Variants in IDE observed in about 807,000 individuals in gnomAD.
The protein encoded by IDE is insulin-degrading enzyme.
Under a neutral mutation model 133.2 loss-of-function variants are expected in IDE, and 58 were observed. That is an observed-to-expected ratio of 0.44 (90% CI 0.35 to 0.54). The LOEUF is 0.54. IDE is among the 20% of genes least tolerant of loss of function. The pLI is 0.00. For synonymous variants in IDE, 396 were observed against 421.3 expected (o/e 0.94, Z 0.73); for missense variants, 981 against 1,234.0 (o/e 0.79, Z 3.07).
intron 4 of IDE, among the ~76,000 whole-genome samples, chr10:92,517,275 C>A (rs966238545): frequency 1.3e-5 from 2 of 152,190 alleles, no homozygotes; most frequent in Non-Finnish European, 2.9e-5. Flanking sequence ...CTTAACAGAT[C>A]CAGTGAAGAC....
rs757825912 is a variant in IDE, at chr10:92,483,224, A to G, written c.1739+31T>C. On this transcript the variant is annotated intron_variant, in intron 14 of 24. Coordinates refer to ENST00000265986, the MANE Select transcript of IDE (RefSeq NM_004969.4). ...TGGAAACGTAATTGTTGATTTTTAT[A>G]AGCTTTATAAGCTAGATTCATCTTA... 4.8e-5 allele frequency: 53 copies of G among 1,114,536 alleles called. 1 individual carries two copies. The South Asian group carries it at 6.8e-4, about 14-fold the overall frequency. The allele number at this position is 1,114,536 out of a possible 1,614,324, so 69.0% of individuals were successfully genotyped here.
At chr10:92,512,118 A>T (rs968120713) in intron 5 of IDE, among the ~76,000 whole-genome samples, 10 of 152,182 alleles carry the variant, frequency 6.6e-5, no homozygotes, top group Admixed American at 3.9e-4. Context: ...CAGTGTCTGT[A>T]CTTGATGATT....
Position 92,491,943 on chromosome 10 carries a change from G to A in IDE, c.1431-1348C>T, listed in dbSNP as rs191175304. ...TTTTTTTGATGCGACAGTAGAAACA[G>A]CCCAGAAGAGAAGTCAGATGGAAAA... On this transcript the variant is annotated intron_variant, in intron 11 of 24. Coordinates refer to ENST00000265986, the MANE Select transcript of IDE (RefSeq NM_004969.4). Among the ~76,000 whole-genome samples, 745 of 152,050 alleles carry A rather than the reference G, an allele frequency of 4.9e-3. 8 individuals are homozygous for A. Among genetic ancestry groups the A allele is most frequent in the African/African-American group, 0.017 (709 of 41,496 alleles).
chr10:92,506,555 C>T (rs766740231), intron 9 of IDE, 33 bp from the exon 10 acceptor site: 17 of 1,060,138 alleles, frequency 1.6e-5, no homozygotes, highest in Non-Finnish European at 2.0e-5. Context: ...TTAGATACGG[C>T]CACCCTTATT....
At chr10:92,561,831 C>T (rs1431826038) in intron 1 of IDE, among the ~76,000 whole-genome samples, 2 of 152,084 alleles carry the variant, frequency 1.3e-5, no homozygotes, top group Non-Finnish European at 2.9e-5. Context: ...AAAGGGTAGT[C>T]CTGATTACAC....
intron 6 of IDE, among the ~76,000 whole-genome samples, chr10:92,509,145 C>A (rs932223766): frequency 2.0e-5 from 3 of 152,180 alleles, no homozygotes; most frequent in Admixed American, 2.0e-4. Context: ...GAATGCTTAT[C>A]TTCAGGTACA....
At chr10:92,483,469 G>T in intron 13 of IDE, 132 bp from the exon 14 acceptor site, 1 of 615,030 alleles carries the variant, frequency 1.6e-6, no homozygotes, top group Non-Finnish European at 2.9e-6. Flanking sequence ...TGTCCCATGG[G>T]CCTTGAAGCA....
intron 15 of IDE, among the ~76,000 whole-genome samples, chr10:92,477,425 G>A (rs978235744): frequency 4.6e-5 from 7 of 152,148 alleles, no homozygotes; most frequent in Admixed American, 3.9e-4. Flanking sequence ...CCAAAGTGCT[G>A]GGATTACAGG....
In IDE at chr10:92,531,897, C is replaced by A; in HGVS notation, c.512G>T (p.Cys171Phe). ...TTTGCAACTTTCATCGAACAAGGGGCACAGAAAAAACTGTGCAAACCTAAG... is the reference window on the plus strand; with the variant it reads ...TTTGCAACTTTCATCGAACAAGGGGAACAGAAAAAACTGTGCAAACCTAAG... ...ALDRFAQFFL[C>F]PLFDESCKDR... Residue 171 changes from cysteine to phenylalanine, a missense_variant, in exon 4 of 25, where the codon TGC becomes TTC. Transcript: ENST00000265986. 1 of 1,553,296 alleles carries A rather than the reference C, an allele frequency of 6.4e-7. No individual in the cohort carries two copies. The highest frequency in any genetic ancestry group is 8.7e-7 in the Non-Finnish European group (1 of 1,144,574).
At chr10:92,530,148 C>A (rs1258154512) in intron 4 of IDE, among the ~76,000 whole-genome samples, 3 of 152,118 alleles carry the variant, frequency 2.0e-5, no homozygotes, top group African/African-American at 7.2e-5. Flanking sequence ...ATTGCTGGAA[C>A]CTAGGAGGCA....
At chr10:92,482,641 C>T (rs1256037984) in intron 14 of IDE, among the ~76,000 whole-genome samples, 1 of 152,012 alleles carries the variant, frequency 6.6e-6, no homozygotes, top group African/African-American at 2.4e-5. Flanking sequence ...AATCTACGGC[C>T]TCCTCAGAAT....
intron 11 of IDE, among the ~76,000 whole-genome samples, chr10:92,491,713 C>T (rs1217016502): frequency 2.6e-5 from 4 of 151,240 alleles, no homozygotes; most frequent in African/African-American, 9.7e-5. Context: ...TGGGTTCAAG[C>T]AATTCTCCGG....
chr10:92,486,261 A>G (rs1228643800), intron 13 of IDE, among the ~76,000 whole-genome samples: 2 of 151,822 alleles, frequency 1.3e-5, no homozygotes, highest in Non-Finnish European at 2.9e-5. Flanking sequence ...AAGGCAGGAG[A>G]ATCACTTGAA....
chr10:92,509,957 A>C (rs368504219), intron 6 of IDE, 93 bp downstream of exon 6: 1 of 606,066 alleles, frequency 1.6e-6, no homozygotes. Context: ...TAAATAATGA[A>C]ACCTCCAAAA....
At chr10:92,554,321 G>C (rs1191050165) in intron 1 of IDE, among the ~76,000 whole-genome samples, 2 of 150,856 alleles carry the variant, frequency 1.3e-5, no homozygotes, top group African/African-American at 4.9e-5. Context: ...TGGGAGGCTG[G>C]GGTGGGAGGA....
At chr10:92,553,934 T>C (rs1179479013) in intron 1 of IDE, among the ~76,000 whole-genome samples, 1 of 152,082 alleles carries the variant, frequency 6.6e-6, no homozygotes, top group Non-Finnish European at 1.5e-5. Context: ...CTCAAATTAT[T>C]CCAAAAAATA....
chr10:92,496,741 G>A (rs1847725498), intron 11 of IDE, among the ~76,000 whole-genome samples: 1 of 152,162 alleles, frequency 6.6e-6, no homozygotes, highest in African/African-American at 2.4e-5. Context: ...AGCCGAGATT[G>A]TGCCATTGCA....
chr10:92,552,384 T>C (rs980430502), intron 1 of IDE, among the ~76,000 whole-genome samples: 2 of 152,210 alleles, frequency 1.3e-5, no homozygotes, highest in Non-Finnish European at 2.9e-5. Context: ...ACAATTGTGG[T>C]ACTAAGTTGG....
At chr10:92,485,446 C>T (rs1281385704) in intron 13 of IDE, among the ~76,000 whole-genome samples, 2 of 152,098 alleles carry the variant, frequency 1.3e-5, no homozygotes, top group African/African-American at 2.4e-5. Context: ...TTTTAAGCTG[C>T]TAAATTTTGG....
Sources: allele counts gnomAD v4.1 joint callset (sites outside exome capture counted in the v4.1 genomes callset), GRCh38; gene constraint gnomAD v4.1.1; transcripts MANE v1.5; gene names NCBI Gene and HGNC (gene_info 2026-07-23, HGNC 2026-07-21).